COL11A1: variants seen among roughly 807,000 people sequenced by gnomAD.
COL11A1 encodes collagen type XI alpha 1 chain.
In COL11A1, 74 loss-of-function variants were observed where a neutral mutation model predicts 265.2. The ratio of observed to expected loss-of-function variants is 0.28; its 90% confidence interval spans 0.23 to 0.34. The LOEUF (loss-of-function observed/expected upper bound fraction) is 0.34. COL11A1 is among the 10% of genes least tolerant of loss of function. The probability of loss-of-function intolerance (pLI) is 1.00; values close to 1 mark genes in which losing one functional copy is unlikely to be tolerated. For synonymous variants in COL11A1, 816 were observed against 727.6 expected (o/e 1.12, Z -1.96); for missense variants, 2,165 against 2,263.6 (o/e 0.96, Z 0.88).
intron 1 of COL11A1, among the ~76,000 whole-genome samples, chr1:103,102,024 C>G (rs144718525): frequency 6.6e-6 from 1 of 152,026 alleles, no homozygotes; most frequent in African/African-American, 2.4e-5. Flanking sequence ...AGGCCAAAGA[C>G]TGCAACTGAT....
At chr1:102,958,512 G>C (rs1171528474) in intron 41 of COL11A1, among the ~76,000 whole-genome samples, 1 of 151,942 alleles carries the variant, frequency 6.6e-6, no homozygotes, top group Non-Finnish European at 1.5e-5. Flanking sequence ...ACTTTAAATG[G>C]AGTAAACTAA....
intron 4 of COL11A1, among the ~76,000 whole-genome samples, chr1:103,043,575 G>A (rs1248838092): frequency 6.6e-6 from 1 of 151,984 alleles, no homozygotes; most frequent in Non-Finnish European, 1.5e-5. Context: ...ATTCACCATT[G>A]AAAGACTTTA....
chr1:102,989,146 G>A (rs1663868500), intron 29 of COL11A1, among the ~76,000 whole-genome samples: 1 of 151,884 alleles, frequency 6.6e-6, no homozygotes, highest in Non-Finnish European at 1.5e-5. Context: ...AGGCAGCATA[G>A]CTCATTATAT....
intron 63 of COL11A1, 45 bp from the exon 64 acceptor site, chr1:102,883,356 C>A (rs1163801658): frequency 2.4e-6 from 3 of 1,230,704 alleles, no homozygotes. Context: ...TCATTGACAT[C>A]ATTGTTGAAT....
chr1:103,090,510 T>C (rs1673235760), intron 1 of COL11A1, among the ~76,000 whole-genome samples: 1 of 152,172 alleles, frequency 6.6e-6, no homozygotes. Flanking sequence ...ATGCCAAGCC[T>C]ATAAACAACA....
At chr1:102,898,587 C>T (rs1275668979) in intron 56 of COL11A1, 79 bp downstream of exon 56, 14 of 1,047,724 alleles carry the variant, frequency 1.3e-5, no homozygotes, top group Admixed American at 3.8e-5. Context: ...ATAATGCTAA[C>T]ATAGACACCT....
chr1:102,905,982 G>T (rs1457198314), intron 54 of COL11A1, among the ~76,000 whole-genome samples: 3 of 151,768 alleles, frequency 2.0e-5, no homozygotes, highest in Admixed American at 2.0e-4. Flanking sequence ...ATACAACTAG[G>T]ATATTGGAAG....
Position 102,989,546 on chromosome 1 carries a change from T to C in COL11A1, c.2366A>G (p.Lys789Arg). The change falls in exon 29 of 67, where the codon AAA (lysine) becomes AGA (arginine). Residue 789 changes from lysine (K) to arginine (R), a missense_variant. By Grantham distance (26) the Lys-to-Arg change is conservative. Coordinates refer to ENST00000370096, the MANE Select transcript of COL11A1 (RefSeq NM_001854.4). ...GTCACCTTTTAGACCCATGTCACCT[T>C]TGAATCCTGGAAAACCATCTTCACC... is the stretch of plus-strand genomic sequence containing the variant. Reference protein sequence around the residue: ...EKGEDGFPGFKGDMGLKGDRG... With the variant: ...EKGEDGFPGFRGDMGLKGDRG... 6.2e-7 allele frequency: 1 copy of C among 1,611,572 alleles called. No individual in the cohort carries two copies. The highest frequency in any genetic ancestry group is 8.5e-7 in the Non-Finnish European group (1 of 1,178,192).
In COL11A1 at chr1:103,074,704, G is replaced by T. The variant is rs201557468; in HGVS notation, c.565C>A (p.Pro189Thr). The T allele has an allele frequency of 2.4e-5, 39 of 1,613,150 alleles. 1 individual carries two copies. Among genetic ancestry groups the T allele is most frequent in the Non-Finnish European group, 9.3e-6 (11 of 1,179,608 alleles). ...ATTGCTCTCTCACTTCTATCAAGTG[G>T]TTTCGTGGTTTTCTTCTTACAATCA... ...IVDCKKKTTK[P>T]LDRSERAIVD... is the part of the protein sequence containing the mutation. Residue 189 changes from proline to threonine, a missense_variant, in exon 4 of 67, where the codon CCA becomes ACA. Transcript: ENST00000370096.
intron 41 of COL11A1, among the ~76,000 whole-genome samples, chr1:102,950,289 A>G (rs984719312): frequency 6.6e-6 from 1 of 152,178 alleles, no homozygotes; most frequent in Non-Finnish European, 1.5e-5. Context: ...TCTCGAAAGA[A>G]AAAAGAAGTC....
Position 103,002,455 on chromosome 1 carries a change from T to A in COL11A1, c.2070A>T (p.Pro690=). Residue 690 remains proline, a synonymous_variant, in exon 23 of 67, where the codon CCA becomes CCT. Transcript: ENST00000370096. ...NMGPQGEPGP[P]GQQGNPGPQG... ...GAGGTCCTGGATTCCCTTGTTGACCTGGAGGCCCAGGCTCCCCTTGGGGAC... is the reference window on the plus strand; with the variant it reads ...GAGGTCCTGGATTCCCTTGTTGACCAGGAGGCCCAGGCTCCCCTTGGGGAC... 6.2e-7 allele frequency: 1 copy of A among 1,610,132 alleles called. No homozygotes were observed.
rs1369406044 is a variant in COL11A1, at chr1:103,108,369, CT to C, written c.-192del. 1 of 645,568 alleles carries C rather than the reference CT, an allele frequency of 1.5e-6. No homozygotes were observed. The highest frequency in any genetic ancestry group is 2.8e-6 in the Non-Finnish European group (1 of 357,304). The allele number at this position is 645,568 out of a possible 1,614,324, so 40.0% of individuals were successfully genotyped here. A position where few individuals can be genotyped will look rare whatever the true frequency, so the allele number is the denominator to read the frequency against. On this transcript the variant is annotated 5_prime_UTR_variant, in exon 1 of 67. Coordinates refer to ENST00000370096, the MANE Select transcript of COL11A1 (RefSeq NM_001854.4). ...TTCTTCGTGTCTCTAGCCCTTTCCTCTCCCTCTGAGTTGGCCCCACCGGCCG... is the reference window on the plus strand; with the variant it reads ...TTCTTCGTGTCTCTAGCCCTTTCCTCCCCTCTGAGTTGGCCCCACCGGCCG...
At chr1:102,962,491 T>C (rs1215366160) in intron 39 of COL11A1, among the ~76,000 whole-genome samples, 162 bp downstream of exon 39, 2 of 152,240 alleles carry the variant, frequency 1.3e-5, no homozygotes, top group African/African-American at 2.4e-5. Context: ...CGGTCTTATA[T>C]AAATGTTGAG....
intron 41 of COL11A1, among the ~76,000 whole-genome samples, chr1:102,959,613 TA>T (rs1404527637): frequency 2.0e-5 from 3 of 152,230 alleles, no homozygotes; most frequent in South Asian, 2.1e-4. Flanking sequence ...TTGTTTATCC[TA>T]TTTTATCTCA....
At chr1:103,017,784 T>A (rs772524854) in intron 11 of COL11A1, 36 bp downstream of exon 11, 44 of 1,529,154 alleles carry the variant, frequency 2.9e-5, no homozygotes, top group Non-Finnish European at 2.7e-6. Context: ...CTGTATGACA[T>A]GCATTTGTAA....
Position 103,095,780 on chromosome 1 carries a change from A to C in COL11A1, c.106+12293T>G, listed in dbSNP as rs1279391728. On this transcript the variant is annotated intron_variant, in intron 1 of 66. Coordinates refer to ENST00000370096, the MANE Select transcript of COL11A1 (RefSeq NM_001854.4). ...TGGATAGAGAGCATGGAAAGTTAAC[A>C]AAAAAAAAAGATAGCTGAACTTCAG... Among the ~76,000 whole-genome samples, 4 of 147,630 alleles carry C rather than the reference A, an allele frequency of 2.7e-5. No homozygotes were observed. In the East Asian group the frequency reaches 6.0e-4, roughly 22 times the overall value.
chr1:102,881,651 T>C (rs773002601), intron 65 of COL11A1, 46 bp downstream of exon 65: 16 of 1,425,676 alleles, frequency 1.1e-5, no homozygotes, highest in Non-Finnish European at 1.6e-5. Context: ...AGAATGTCAC[T>C]TCTTGAGTTC....
At chr1:102,917,080 A>G (rs1383943871) in intron 49 of COL11A1, among the ~76,000 whole-genome samples, 1 of 151,842 alleles carries the variant, frequency 6.6e-6, no homozygotes, top group African/African-American at 2.4e-5. Flanking sequence ...CAGGAAACCA[A>G]AAAAAGAGTC....
intron 44 of COL11A1, among the ~76,000 whole-genome samples, chr1:102,937,028 A>G (rs1229511890): frequency 6.6e-6 from 1 of 152,208 alleles, no homozygotes; most frequent in Admixed American, 6.5e-5. Context: ...TAGACAAAAC[A>G]AATGTAACAA....
Sources: gnomAD v4.1 joint callset for allele counts (sites outside exome capture counted in the v4.1 genomes callset) on GRCh38, gnomAD v4.1.1 for gene constraint, MANE v1.5 for transcripts, NCBI Gene and HGNC (gene_info 2026-07-23, HGNC 2026-07-21) for gene names.